The following SSB variants were observed in gnomAD, a reference collection of about 807,000 sequenced individuals.
SSB encodes lupus La protein.
In SSB, 17 loss-of-function variants were observed where a neutral mutation model predicts 52.9. The ratio of observed to expected loss-of-function variants is 0.32; its 90% confidence interval spans 0.22 to 0.48. SSB has a LOEUF of 0.48. Ranked by LOEUF, SSB falls within the 20% of genes least tolerant of loss-of-function variation. SSB has a pLI of 0.99. For missense variants in SSB, 314 were observed against 463.6 expected (o/e 0.68, Z 2.96); for synonymous variants, 111 against 152.1 (o/e 0.73, Z 1.99).
intron 2 of SSB, among the ~76,000 whole-genome samples, chr2:169,803,507 C>A (rs111393192): frequency 6.6e-6 from 1 of 152,128 alleles, no homozygotes; most frequent in African/African-American, 2.4e-5. Context: ...GCTTCGGCCA[C>A]CCAAAGTGCT....
At chr2:169,809,520 CTT>C (rs1180140262) in intron 8 of SSB, among the ~76,000 whole-genome samples, 3 of 152,054 alleles carry the variant, frequency 2.0e-5, no homozygotes, top group Non-Finnish European at 2.9e-5. Flanking sequence ...ACTAACATGA[CTT>C]TTATTTTTGA....
intron 8 of SSB, 144 bp from the exon 9 acceptor site, chr2:169,810,139 C>CT: frequency 2.3e-6 from 1 of 436,350 alleles, no homozygotes. Flanking sequence ...GAGTTTCGCT[C>CT]TTGCTGCCCC....
At position 169,810,423 on chromosome 2, in the gene SSB, G is replaced by T; in HGVS notation, c.810G>T (p.Glu270Asp). Residue 270 changes from glutamate (E) to aspartate (D), a missense_variant and splice_region_variant, in exon 9 of 12, where the codon GAG becomes GAT. Glu to Asp is a conservative substitution (Grantham distance 45). Coordinates refer to ENST00000260956, the MANE Select transcript of SSB (RefSeq NM_003142.5). ...TAGACTTCGTCAGAGGAGCAAAAGA[G>T]GTTTGGATACATCCCTATCCTTTTT... ...KWIDFVRGAK[E>D]GIILFKEKAK... 6.2e-7 allele frequency: 1 copy of T among 1,605,518 alleles called. No homozygotes were observed. The highest frequency in any genetic ancestry group is 1.7e-4 in the Middle Eastern group (1 of 5,998).
At chr2:169,807,737 C>CTTTTTTTTT (rs55845251) in intron 6 of SSB, among the ~76,000 whole-genome samples, 39 of 74,024 alleles carry the variant, frequency 5.3e-4, no homozygotes, top group East Asian at 9.8e-4. Context: ...GCCTATATGT[C>CTTTTTTTTT]TTTTTTTTTT....
In SSB at chr2:169,811,726, G is replaced by A; in HGVS notation, c.1197G>A (p.Gln399=). 5 of 1,613,516 alleles carry A rather than the reference G, an allele frequency of 3.1e-6. No homozygotes were observed. Among genetic ancestry groups the A allele is most frequent in the Non-Finnish European group, 3.4e-6 (4 of 1,179,702 alleles). ...AAGAAGAACCTGCATCCAAACAACA[G>A]AAAACAGAAAATGGTGCTGGAGACC... is the stretch of plus-strand genomic sequence containing the variant. ...TDKEEPASKQ[Q]KTENGAGDQ Residue 399 remains glutamine, a synonymous_variant, in exon 12 of 12, where the codon CAG becomes CAA. Coordinates refer to ENST00000260956, the MANE Select transcript of SSB (RefSeq NM_003142.5).
chr2:169,804,584 T>C (rs904511249), intron 2 of SSB, among the ~76,000 whole-genome samples: 1 of 151,766 alleles, frequency 6.6e-6, no homozygotes, highest in Non-Finnish European at 1.5e-5. Flanking sequence ...TCTCACTCTT[T>C]TGTCAGGCTG....
intron 2 of SSB, 111 bp from the exon 3 acceptor site, chr2:169,805,363 C>T: frequency 1.4e-6 from 1 of 724,288 alleles, no homozygotes; most frequent in South Asian, 2.2e-5. Flanking sequence ...AAGTGTTTTG[C>T]CTTTTGTAAC....
At chr2:169,800,301 C>G (rs533135373) in intron 1 of SSB, among the ~76,000 whole-genome samples, 2 of 152,004 alleles carry the variant, frequency 1.3e-5, no homozygotes, top group East Asian at 3.9e-4. Context: ...GAGGCCGAGG[C>G]GGGTGGATCG....
Position 169,810,267 on chromosome 2 carries a change from T to G in SSB, c.670-16T>G. ...GCTTTTAAGAAACTTTTTGATCACT[T>G]TGTATATTTTTATAGAAATCTCTAG... On this transcript the variant is annotated splice_polypyrimidine_tract_variant and intron_variant, in intron 8 of 11. Coordinates refer to ENST00000260956, the MANE Select transcript of SSB (RefSeq NM_003142.5). 1 of 1,589,872 alleles carries G rather than the reference T, an allele frequency of 6.3e-7. No homozygotes were observed. The highest frequency in any genetic ancestry group is 8.5e-7 in the Non-Finnish European group (1 of 1,171,024).
chr2:169,806,388 A>G (rs1441322102), intron 4 of SSB, among the ~76,000 whole-genome samples: 1 of 152,232 alleles, frequency 6.6e-6, no homozygotes, highest in African/African-American at 2.4e-5. Flanking sequence ...CCTATTGCCT[A>G]TTAGCTGTTC....
intron 7 of SSB, 66 bp downstream of exon 7, chr2:169,808,619 GT>G (rs1322787715): frequency 2.8e-6 from 4 of 1,415,114 alleles, no homozygotes. Flanking sequence ...AATATAGCTG[GT>G]GAGCTCTGAA....
Position 169,809,738 on chromosome 2 carries a change from G to A in SSB, c.670-545G>A, listed in dbSNP as rs1048066845. Among the ~76,000 whole-genome samples the A allele has an allele frequency of 4.6e-5, 7 of 151,736 alleles. No homozygotes were observed. In the South Asian group the frequency reaches 1.2e-3, roughly 27 times the overall value. On this transcript the variant is annotated intron_variant, in intron 8 of 11. Transcript: ENST00000260956. ...TGCCATTCTTCTGCCTCAGCCTCCC[G>A]AGTAGCTGGGACTACAGGCGCCTGC...
chr2:169,808,658 T>C, intron 7 of SSB, 105 bp downstream of exon 7: 1 of 1,138,080 alleles, frequency 8.8e-7, no homozygotes, highest in Non-Finnish European at 1.3e-6. Context: ...TTCTCTTTGC[T>C]AGTGAAACAC....
At chr2:169,802,981 T>G (rs1490406822) in intron 2 of SSB, among the ~76,000 whole-genome samples, 1 of 152,222 alleles carries the variant, frequency 6.6e-6, no homozygotes, top group Non-Finnish European at 1.5e-5. Context: ...ATATAAATCT[T>G]AGTAAACATG....
At chr2:169,800,680 G>A (rs1689694973) in intron 1 of SSB, among the ~76,000 whole-genome samples, 1 of 152,064 alleles carries the variant, frequency 6.6e-6, no homozygotes, top group Admixed American at 6.6e-5. Context: ...TGCTTGACCA[G>A]CTAAGTGAAG....
rs1449873347 is a variant in SSB, at chr2:169,812,013, G to A, written c.*257G>A. On this transcript the variant is annotated 3_prime_UTR_variant, in exon 12 of 12. Coordinates refer to ENST00000260956, the MANE Select transcript of SSB (RefSeq NM_003142.5). Reference sequence around the variant, plus strand: ...TAAATTGCCTTTGTAATATGAGAATGTATTAGTACAAACTAACTAATAAAA... The same window carrying A: ...TAAATTGCCTTTGTAATATGAGAATATATTAGTACAAACTAACTAATAAAA... 7.2e-5 allele frequency: 58 copies of A among 807,094 alleles called. No individual in the cohort carries two copies. Among genetic ancestry groups the A allele is most frequent in the Non-Finnish European group, 6.4e-5 (33 of 512,834 alleles). 50.0% of individuals were successfully genotyped at this position (807,094 alleles called of 1,614,324 possible).
At chr2:169,810,249 A>G in intron 8 of SSB, 34 bp from the exon 9 acceptor site, 1 of 1,555,012 alleles carries the variant, frequency 6.4e-7, no homozygotes, top group Non-Finnish European at 8.7e-7. Context: ...GTTGCTTTTA[A>G]GAAACTTTTT....
At chr2:169,801,184 G>T (rs1689705249) in intron 2 of SSB, among the ~76,000 whole-genome samples, 158 bp downstream of exon 2, 1 of 152,180 alleles carries the variant, frequency 6.6e-6, no homozygotes, top group South Asian at 2.1e-4. Flanking sequence ...GTGGAGCCAG[G>T]TTGTGAAACT....
chr2:169,807,137 C>A, intron 6 of SSB, 66 bp downstream of exon 6: 2 of 1,335,874 alleles, frequency 1.5e-6, no homozygotes, highest in South Asian at 1.2e-5. Context: ...GGGTAAGGAG[C>A]ATGGAAGTAG....
Sources: gnomAD v4.1 joint callset for allele counts (sites outside exome capture counted in the v4.1 genomes callset) on GRCh38, gnomAD v4.1.1 for gene constraint, MANE v1.5 for transcripts, NCBI Gene and HGNC (gene_info 2026-07-23, HGNC 2026-07-21) for gene names.